The following CPNE8 variants were observed in gnomAD, a reference collection of about 807,000 sequenced individuals.
The protein encoded by CPNE8 is copine-8.
A neutral mutation model predicts 81.5 loss-of-function variants in CPNE8; 45 were observed. The ratio of observed to expected loss-of-function variants is 0.55; its 90% CI spans 0.44 to 0.71. The LOEUF is 0.71. Ranked by LOEUF, CPNE8 falls within the 30% of genes least tolerant of loss-of-function variation. The probability of loss-of-function intolerance (pLI) is 0.00; values close to 1 mark genes in which losing one functional copy is unlikely to be tolerated. For synonymous variants in CPNE8, 252 were observed against 226.3 expected (o/e 1.11, Z -1.02); for missense variants, 594 against 672.1 (o/e 0.88, Z 1.28).
chr12:38,654,160 T>C (rs1205549434), intron 19 of CPNE8, 90 bp from the exon 20 acceptor site: 14 of 1,415,818 alleles, frequency 9.9e-6, no homozygotes, highest in Non-Finnish European at 1.2e-5. Context: ...CATTTGGTCA[T>C]AGGAAAATCA....
intron 10 of CPNE8, among the ~76,000 whole-genome samples, chr12:38,732,581 C>A (rs963702108): frequency 6.6e-6 from 1 of 151,822 alleles, no homozygotes; most frequent in Non-Finnish European, 1.5e-5. Flanking sequence ...CTGAAAGGAC[C>A]CTTTTTATCA....
chr12:38,839,811 G>T, intron 5 of CPNE8, 105 bp downstream of exon 5: 1 of 1,015,624 alleles, frequency 9.8e-7, no homozygotes, highest in Non-Finnish European at 1.3e-6. Context: ...TGACAATCAC[G>T]TTACATGAAT....
Position 38,653,704 on chromosome 12 carries a change from A to G in CPNE8, c.*178T>C. 1.2e-6 allele frequency: 1 copy of G among 834,058 alleles called. No homozygotes were observed. The highest frequency in any genetic ancestry group is 1.6e-6 in the Non-Finnish European group (1 of 608,960). 51.7% of individuals were successfully genotyped at this position (834,058 alleles called of 1,614,324 possible). A position where few individuals can be genotyped will look rare whatever the true frequency, so the allele number is the denominator to read the frequency against. On this transcript the variant is annotated 3_prime_UTR_variant, in exon 20 of 20. Transcript: ENST00000331366. ...AATTTTTTCTGTTGCTCATGCAACA[A>G]CCATATTTACAGTTTTGGTTTAGGA...
chr12:38,834,899 A>G (rs1435175966), intron 5 of CPNE8, among the ~76,000 whole-genome samples: 1 of 146,148 alleles, frequency 6.8e-6, no homozygotes, highest in East Asian at 2.0e-4. Context: ...TTTTTTTGAG[A>G]TGGAGTTCAC....
chr12:38,798,828 G>C (rs1185550484), intron 6 of CPNE8, among the ~76,000 whole-genome samples: 1 of 152,052 alleles, frequency 6.6e-6, no homozygotes, highest in African/African-American at 2.4e-5. Context: ...GACACACATA[G>C]GCTCAAAATA....
At chr12:38,688,445 A>G (rs892373188) in intron 15 of CPNE8, among the ~76,000 whole-genome samples, 5 of 152,206 alleles carry the variant, frequency 3.3e-5, no homozygotes, top group African/African-American at 1.2e-4. Flanking sequence ...TACTAAAATG[A>G]GATTTTCTTC....
At chr12:38,791,256 A>G (rs1268036963) in intron 6 of CPNE8, among the ~76,000 whole-genome samples, 1 of 151,550 alleles carries the variant, frequency 6.6e-6, no homozygotes, top group Non-Finnish European at 1.5e-5. Flanking sequence ...TAGAATATTT[A>G]CCCTACCACC....
intron 13 of CPNE8, among the ~76,000 whole-genome samples, chr12:38,704,095 A>T (rs1940024344): frequency 6.6e-6 from 1 of 152,128 alleles, no homozygotes; most frequent in Non-Finnish European, 1.5e-5. Flanking sequence ...ACTGGAGACT[A>T]CTAGAGGAGA....
chr12:38,711,576 C>G (rs1940258862), intron 13 of CPNE8, among the ~76,000 whole-genome samples: 1 of 151,588 alleles, frequency 6.6e-6, no homozygotes, highest in Admixed American at 6.6e-5. Flanking sequence ...TCAAGCGATT[C>G]TCCTGCCTCA....
chr12:38,852,906 C>A (rs144155799), intron 3 of CPNE8, among the ~76,000 whole-genome samples: 1 of 152,058 alleles, frequency 6.6e-6, no homozygotes, highest in African/African-American at 2.4e-5. Context: ...TAATGATTAT[C>A]ATCTAATTTT....
chr12:38,775,052 ATG>A (rs1941898944), intron 7 of CPNE8, among the ~76,000 whole-genome samples: 1 of 152,166 alleles, frequency 6.6e-6, no homozygotes. Context: ...ACAATATCAT[ATG>A]ATTCCCTGAG....
chr12:38,866,885 G>A (rs1038993421), intron 3 of CPNE8, among the ~76,000 whole-genome samples: 1 of 151,958 alleles, frequency 6.6e-6, no homozygotes, highest in Non-Finnish European at 1.5e-5. Flanking sequence ...TTTAAACAAA[G>A]TATCGCTCTG....
intron 16 of CPNE8, among the ~76,000 whole-genome samples, chr12:38,683,630 A>C (rs1279497244): frequency 1.3e-5 from 2 of 152,148 alleles, no homozygotes; most frequent in African/African-American, 4.8e-5. Context: ...ATTAAACATA[A>C]AATTCAAAGA....
At chr12:38,902,781 A>G (rs562945449) in intron 1 of CPNE8, among the ~76,000 whole-genome samples, 3 of 152,358 alleles carry the variant, frequency 2.0e-5, no homozygotes, top group East Asian at 3.9e-4. Flanking sequence ...ATCATATATA[A>G]CACATTTATT....
chr12:38,817,524 A>G (rs1193691810), intron 6 of CPNE8, among the ~76,000 whole-genome samples: 2 of 151,458 alleles, frequency 1.3e-5, no homozygotes, highest in Non-Finnish European at 2.9e-5. Context: ...TTGCATCTAG[A>G]GATATTCTTG....
chr12:38,881,422 T>C (rs781755687), intron 1 of CPNE8, among the ~76,000 whole-genome samples: 60 of 152,166 alleles, frequency 3.9e-4, no homozygotes, highest in Non-Finnish European at 7.5e-4. Context: ...CTTCCTCTGG[T>C]AGCCTGAATA....
At chr12:38,894,189 A>G (rs1944353060) in intron 1 of CPNE8, among the ~76,000 whole-genome samples, 1 of 152,180 alleles carries the variant, frequency 6.6e-6, no homozygotes, top group Non-Finnish European at 1.5e-5. Context: ...TTCTTTGCTG[A>G]AGTGTTCCAC....
rs1943734407 is a variant in CPNE8 at position 38,856,372 on chromosome 12, C to T, written c.187-7710G>A. ...ACTCATTTTATGAAGCCAGCATTAT[C>T]ATCATACCAAAGCCAAAAAGGGCAC... is the stretch of plus-strand genomic sequence containing the variant. On this transcript the variant is annotated intron_variant, in intron 3 of 19. Coordinates refer to ENST00000331366, the MANE Select transcript of CPNE8 (RefSeq NM_153634.3). Among the ~76,000 whole-genome samples, 4 of 152,072 alleles carry T rather than the reference C, an allele frequency of 2.6e-5. No individual in the cohort carries two copies. In the South Asian group the frequency reaches 8.3e-4, roughly 32 times the overall value.
chr12:38,683,725 T>C (rs1939463154), intron 16 of CPNE8, among the ~76,000 whole-genome samples: 1 of 152,138 alleles, frequency 6.6e-6, no homozygotes, highest in Admixed American at 6.5e-5. Flanking sequence ...AAGGAAAAGA[T>C]GACTCTTAAA....
Sources: gnomAD v4.1 joint callset for allele counts (sites outside exome capture counted in the v4.1 genomes callset) on GRCh38, gnomAD v4.1.1 for gene constraint, MANE v1.5 for transcripts, NCBI Gene and HGNC (gene_info 2026-07-23, HGNC 2026-07-21) for gene names.